The following GPHN variants were observed in gnomAD, a reference collection of about 807,000 sequenced individuals.
The protein encoded by GPHN is gephyrin.
A neutral mutation model predicts 95.5 loss-of-function variants in GPHN; 17 were observed. That is an observed-to-expected ratio of 0.18 (90% CI 0.12 to 0.27). GPHN has a LOEUF of 0.27. Ranked by LOEUF, GPHN falls within the 10% of genes least tolerant of loss-of-function variation. The pLI is 1.00. For missense variants in GPHN, 660 were observed against 978.1 expected, an observed-to-expected ratio of 0.67 and a Z score of 4.34; for synonymous variants, 320 against 322.5, an observed-to-expected ratio of 0.99 and a Z score of 0.08.
intron 4 of GPHN, among the ~76,000 whole-genome samples, chr14:66,840,736 C>CAAA (rs553788734): frequency 1.6e-4 from 13 of 81,156 alleles, no homozygotes; most frequent in African/African-American, 2.1e-4. Flanking sequence ...GCAGGCCATA[C>CAAA]AAAAAAAAAA....
the GPHN span, among the ~76,000 whole-genome samples, chr14:67,453,338 G>C: frequency 1.3e-5 from 2 of 152,164 alleles, no homozygotes; most frequent in Non-Finnish European, 1.5e-5. Context: ...CCTGAGGGAA[G>C]GAGCAGGAGA....
chr14:66,695,626 T>C (rs1293987168), intron 2 of GPHN, among the ~76,000 whole-genome samples: 3 of 152,200 alleles, frequency 2.0e-5, no homozygotes, highest in African/African-American at 7.2e-5. Context: ...AGTGGGTGAA[T>C]GGATAAGTAA....
chr14:67,554,664 A>G, the GPHN span, among the ~76,000 whole-genome samples: 1 of 152,164 alleles, frequency 6.6e-6, no homozygotes. Context: ...CAGGGGAAGA[A>G]TGGGAGCTGA....
At chr14:67,638,321 G>A in the GPHN span, among the ~76,000 whole-genome samples, 1 of 151,738 alleles carries the variant, frequency 6.6e-6, no homozygotes. Flanking sequence ...CCCAGGAGTT[G>A]GAGACCAGCC....
the GPHN span, chr14:67,678,415 T>A: frequency 3.1e-6 from 5 of 1,610,644 alleles, no homozygotes; most frequent in Non-Finnish European, 2.5e-6. Flanking sequence ...CCATGCCACA[T>A]GACAGTCACT....
chr14:66,560,021 G>C (rs376942980), intron 1 of GPHN, among the ~76,000 whole-genome samples: 1 of 152,034 alleles, frequency 6.6e-6, no homozygotes, highest in Non-Finnish European at 1.5e-5. Flanking sequence ...GCTTGTTTTT[G>C]TCAGGTTTGT....
intron 11 of GPHN, 156 bp downstream of exon 11, chr14:67,058,942 A>G (rs1157570359): frequency 2.1e-5 from 15 of 730,406 alleles, no homozygotes; most frequent in Non-Finnish European, 3.0e-5. Flanking sequence ...ACTCAATAAG[A>G]AAAAGGCTAA....
the GPHN span, chr14:67,392,735 C>T: frequency 5.3e-5 from 85 of 1,614,066 alleles, no homozygotes; most frequent in Admixed American, 1.3e-4. Context: ...TCCCATGCTT[C>T]GGACACCCAC....
At chr14:67,629,184 A>T in the GPHN span, among the ~76,000 whole-genome samples, 496 of 152,236 alleles carry the variant, frequency 3.3e-3, 4 homozygotes, top group Non-Finnish European at 3.5e-3. Flanking sequence ...GGGGGGAAAA[A>T]AATTAGCCAG....
At chr14:67,730,426 T>C in the GPHN span, among the ~76,000 whole-genome samples, 1 of 152,090 alleles carries the variant, frequency 6.6e-6, no homozygotes, top group African/African-American at 2.4e-5. Context: ...AATCTGAAAA[T>C]TCGGAGTCCG....
At chr14:67,169,195 G>T (rs1595470740) in intron 21 of GPHN, 159 bp downstream of exon 21, 2 of 650,644 alleles carry the variant, frequency 3.1e-6, no homozygotes, top group South Asian at 1.8e-5. Context: ...GTAGGAGAAA[G>T]GGTCCCTTTA....
chr14:67,402,670 C>T, the GPHN span, among the ~76,000 whole-genome samples: 1 of 152,194 alleles, frequency 6.6e-6, no homozygotes, highest in Non-Finnish European at 1.5e-5. Context: ...TAAGTGAGAA[C>T]ATGTGACATT....
chr14:67,275,971 C>A, the GPHN span, among the ~76,000 whole-genome samples: 1 of 152,064 alleles, frequency 6.6e-6, no homozygotes, highest in East Asian at 1.9e-4. Context: ...GTGATACCCC[C>A]TTTATCATTT....
At chr14:66,577,785 C>G (rs1225471358) in intron 1 of GPHN, among the ~76,000 whole-genome samples, 3 of 151,966 alleles carry the variant, frequency 2.0e-5, no homozygotes, top group Non-Finnish European at 4.4e-5. Context: ...TCACTATGGA[C>G]AGAATTGTGA....
intron 1 of GPHN, among the ~76,000 whole-genome samples, chr14:66,563,855 T>C (rs2060360146): frequency 6.6e-6 from 1 of 152,192 alleles, no homozygotes; most frequent in Non-Finnish European, 1.5e-5. Flanking sequence ...TGATGGTAAT[T>C]TCTAGTCTGG....
chr14:66,932,423 G>A (rs1567118124), intron 8 of GPHN, among the ~76,000 whole-genome samples: 1 of 140,868 alleles, frequency 7.1e-6, no homozygotes, highest in African/African-American at 2.6e-5. Context: ...GTCAGCAGGT[G>A]GGGAATCCTG....
chr14:67,247,492 A>G, the GPHN span, among the ~76,000 whole-genome samples: 1 of 151,548 alleles, frequency 6.6e-6, no homozygotes, highest in African/African-American at 2.4e-5. Flanking sequence ...TATGCCTTTT[A>G]TTTCTTTTCC....
chr14:67,573,895 C>A, the GPHN span: 1 of 1,598,532 alleles, frequency 6.3e-7, no homozygotes, highest in Non-Finnish European at 8.6e-7. This position sits in a 1 kb window ranked among gnomAD's most constrained non-coding sequence, Gnocchi z 4.8. Flanking sequence ...CAGGTGAGCA[C>A]GCTCCTGGCT....
At chr14:66,603,592 C>T (rs2062365203) in intron 1 of GPHN, among the ~76,000 whole-genome samples, 1 of 151,874 alleles carries the variant, frequency 6.6e-6, no homozygotes, top group South Asian at 2.1e-4. Flanking sequence ...GCTTTTTATA[C>T]ACAATTCCTA....
Sources: allele counts gnomAD v4.1 joint callset (sites outside exome capture counted in the v4.1 genomes callset), GRCh38; gene constraint gnomAD v4.1.1; non-coding constraint Gnocchi (gnomAD v3.1); transcripts MANE v1.5; gene names NCBI Gene and HGNC (gene_info 2026-07-23, HGNC 2026-07-21).